Variants in MYO6 observed in about 807,000 individuals in gnomAD.
MYO6 encodes the protein myosin VI, also known as unconventional myosin-VI.
MYO6 carries 74 observed loss-of-function variants against 178.7 expected under a neutral mutation model. The ratio of observed to expected loss-of-function variants is 0.41; its 90% CI spans 0.34 to 0.50. The LOEUF (loss-of-function observed/expected upper bound fraction) is 0.50. MYO6 is among the 20% of genes least tolerant of loss of function. MYO6 has a pLI of 0.09. For missense variants in MYO6, 1,330 were observed against 1,547.4 expected (o/e 0.86, Z 2.36); for synonymous variants, 477 against 504.6 (o/e 0.95, Z 0.73).
intron 25 of MYO6, 138 bp from the exon 26 acceptor site, chr6:75,889,919 A>AT: frequency 1.4e-6 from 1 of 733,288 alleles, no homozygotes; most frequent in Non-Finnish European, 2.2e-6. Context: ...TTTATTTTAA[A>AT]TTGTAAAAAA....
rs1172428780 is a variant in MYO6 at position 75,917,286 on chromosome 6, A to G, written c.*2274A>G. On this transcript the variant is annotated 3_prime_UTR_variant, in exon 35 of 35. Transcript: ENST00000369977. ...TTTAAAATTAGAAGTTTAAACCACT[A>G]TATATAAAGAACTAATCTTTTCTTA... The G allele has an allele frequency of 6.5e-6, 1 of 152,700 alleles. No homozygotes were observed. The highest frequency in any genetic ancestry group is 2.4e-5 in the African/African-American group (1 of 41,470). The allele number at this position is 152,700 out of a possible 1,614,324, so 9.5% of individuals were successfully genotyped here. A position where few individuals can be genotyped will look rare whatever the true frequency, so the allele number is the denominator to read the frequency against.
At chr6:75,834,648 G>A (rs182755398) in intron 6 of MYO6, among the ~76,000 whole-genome samples, 1 of 152,144 alleles carries the variant, frequency 6.6e-6, no homozygotes, top group African/African-American at 2.4e-5. Context: ...TTGAACTACT[G>A]CTAGGAGCAG....
At chr6:75,848,200 T>TA in intron 10 of MYO6, 151 bp from the exon 11 acceptor site, 1 of 704,792 alleles carries the variant, frequency 1.4e-6, no homozygotes, top group Admixed American at 2.2e-5. Context: ...TTCATGGTCA[T>TA]TTAGTTTTTG....
chr6:75,889,952 C>A, intron 25 of MYO6, 105 bp from the exon 26 acceptor site: 1,310 of 785,620 alleles, frequency 1.7e-3, no homozygotes, highest in East Asian at 2.1e-3. Context: ...TAAAATTTAT[C>A]TTAGCCATTT....
chr6:75,810,668 G>A (rs1770609404), intron 1 of MYO6, among the ~76,000 whole-genome samples: 2 of 152,314 alleles, frequency 1.3e-5, no homozygotes, highest in South Asian at 4.1e-4. Context: ...AAAGGTGGGG[G>A]ATGGGAACTG....
Position 75,915,608 on chromosome 6 carries a change from A to C in MYO6, c.*596A>C, listed in dbSNP as rs1781079581. 1 of 158,242 alleles carries C rather than the reference A, an allele frequency of 6.3e-6. No homozygotes were observed. The highest frequency in any genetic ancestry group is 2.4e-5 in the African/African-American group (1 of 41,466). 9.8% of individuals were successfully genotyped at this position (158,242 alleles called of 1,614,324 possible). ...TTCTAGAATTCTAGAAAGAGCCTTA[A>C]TGTATTTGATGTATTCTGTGATAAG... On this transcript the variant is annotated 3_prime_UTR_variant, in exon 35 of 35. Coordinates refer to ENST00000369977, the MANE Select transcript of MYO6 (RefSeq NM_004999.4).
At position 75,829,314 on chromosome 6, in the gene MYO6, A is replaced by G. The variant is rs565189812; in HGVS notation, c.261+701A>G. ...GGCATGCATGAGACTTTATTCCAGT[A>G]TCACCTAACTGTGTAGTCCTTTGGT... On this transcript the variant is annotated intron_variant, in intron 4 of 34. Coordinates refer to ENST00000369977, the MANE Select transcript of MYO6 (RefSeq NM_004999.4). 2.6e-5 allele frequency among the ~76,000 whole-genome samples: 4 copies of G among 152,280 alleles called. No homozygotes were observed. The East Asian group carries it at 5.8e-4, about 22-fold the overall frequency.
chr6:75,759,169 C>T (rs767934067), intron 1 of MYO6, among the ~76,000 whole-genome samples: 1 of 152,050 alleles, frequency 6.6e-6, no homozygotes, highest in Non-Finnish European at 1.5e-5. Context: ...AGCGCCCGGC[C>T]GTTTCTATAG....
chr6:75,810,341 T>G (rs1040350093), intron 1 of MYO6, among the ~76,000 whole-genome samples: 21 of 152,256 alleles, frequency 1.4e-4, no homozygotes, highest in African/African-American at 5.1e-4. Flanking sequence ...CAAAGAAATA[T>G]ATTGTGGAGT....
At chr6:75,847,524 T>C (rs192161889) in intron 10 of MYO6, among the ~76,000 whole-genome samples, 149 of 152,220 alleles carry the variant, frequency 9.8e-4, no homozygotes, top group Admixed American at 2.3e-3. Context: ...CTTCTTTTTT[T>C]CTTCTGAGTT....
At position 75,848,415 on chromosome 6, in the gene MYO6, G is replaced by T; in HGVS notation, c.962G>T (p.Cys321Phe). ...LDDHGDFIRM[C>F]TAMKKIGLDD... is the part of the protein sequence containing the mutation. ...GACCATGGTGATTTTATTAGAATGT[G>T]CACGGCTATGAAAAAAATTGGTTTG... The change falls in exon 11 of 35, where the codon TGC becomes TTC. Residue 321 changes from cysteine to phenylalanine, a missense_variant. Physicochemically the swap from Cys to Phe is radical, Grantham distance 205. Transcript: ENST00000369977. 6.2e-7 allele frequency: 1 copy of T among 1,613,784 alleles called. No homozygotes were observed.
chr6:75,765,904 T>C (rs1248587645), intron 1 of MYO6, among the ~76,000 whole-genome samples: 1 of 152,014 alleles, frequency 6.6e-6, no homozygotes. Context: ...GGTGTGTGCC[T>C]GTAGTTCCAG....
intron 11 of MYO6, among the ~76,000 whole-genome samples, chr6:75,851,686 A>C (rs1049154978): frequency 4.6e-5 from 7 of 151,814 alleles, no homozygotes; most frequent in African/African-American, 1.7e-4. Context: ...ACACACACAC[A>C]CAAAATAAAT....
intron 1 of MYO6, among the ~76,000 whole-genome samples, chr6:75,805,216 G>A (rs1305798615): frequency 6.6e-6 from 1 of 151,154 alleles, no homozygotes. Flanking sequence ...GAGCAATGGG[G>A]TTTCACCGTG....
Position 75,833,057 on chromosome 6 carries a change from G to T in MYO6, c.497+110G>T, listed in dbSNP as rs574951642. 72 of 748,670 alleles carry T rather than the reference G, an allele frequency of 9.6e-5. No individual in the cohort carries two copies. In the African/African-American group the frequency reaches 1.1e-3, roughly 12 times the overall value. The allele number at this position is 748,670 out of a possible 1,614,324, so 46.4% of individuals were successfully genotyped here. ...GGTGGAATGCAGTGTCACCACCACA[G>T]CTCACTGTAGCCTTGACCTCCTGGG... On this transcript the variant is annotated intron_variant, in intron 6 of 34. Transcript: ENST00000369977.
At chr6:75,891,344 A>G (rs1427673874) in intron 27 of MYO6, 38 bp downstream of exon 27, 2 of 1,499,962 alleles carry the variant, frequency 1.3e-6, no homozygotes, top group Admixed American at 1.7e-5. Flanking sequence ...TTAAAATGGA[A>G]CCTACAGGCT....
intron 1 of MYO6, among the ~76,000 whole-genome samples, chr6:75,813,903 A>G (rs1770944737): frequency 6.6e-6 from 1 of 152,160 alleles, no homozygotes; most frequent in Non-Finnish European, 1.5e-5. Context: ...ATTGGTTGGT[A>G]TCCAGGTTGC....
chr6:75,823,796 C>T (rs1049899841), intron 3 of MYO6, among the ~76,000 whole-genome samples: 1 of 152,170 alleles, frequency 6.6e-6, no homozygotes, highest in African/African-American at 2.4e-5. Flanking sequence ...GGCATTTCGT[C>T]TCTCTTCTGA....
intron 33 of MYO6, among the ~76,000 whole-genome samples, chr6:75,913,480 T>A (rs1780915546): frequency 1.3e-5 from 2 of 152,180 alleles, no homozygotes; most frequent in South Asian, 4.1e-4. Context: ...TTTTTTGTCA[T>A]ATGGTTGTCT....
Sources: gnomAD v4.1 joint callset for allele counts (sites outside exome capture counted in the v4.1 genomes callset) on GRCh38, gnomAD v4.1.1 for gene constraint, MANE v1.5 for transcripts, NCBI Gene and HGNC (gene_info 2026-07-23, HGNC 2026-07-21) for gene names.